SPIDR: variants seen among roughly 807,000 people sequenced by gnomAD.
SPIDR encodes the protein DNA repair-scaffolding protein.
SPIDR carries 93 observed loss-of-function variants against 104.6 expected under a neutral mutation model. The ratio of observed to expected loss-of-function variants is 0.89; its 90% CI spans 0.75 to 1.06. SPIDR has a LOEUF of 1.06. SPIDR is among the 50% of genes least tolerant of loss of function. The pLI is 0.00. For synonymous variants in SPIDR, 431 were observed against 416.9 expected, an observed-to-expected ratio of 1.03 and a Z score of -0.41; for missense variants, 1,154 against 1,111.2, an observed-to-expected ratio of 1.04 and a Z score of -0.55.
chr8:47,498,545 G>GGAAGATT (rs1452059081), intron 8 of SPIDR, among the ~76,000 whole-genome samples: 6 of 152,134 alleles, frequency 3.9e-5, no homozygotes, highest in African/African-American at 1.4e-4. Context: ...ATAGTCTCTA[G>GGAAGATT]GAAGATTGTC....
intron 3 of SPIDR, among the ~76,000 whole-genome samples, chr8:47,284,543 A>G (rs2038439815): frequency 6.6e-6 from 1 of 152,166 alleles, no homozygotes. Flanking sequence ...CTCTGTTCAA[A>G]CACTAGAGTA....
At chr8:47,466,544 G>A (rs1257455792) in intron 8 of SPIDR, among the ~76,000 whole-genome samples, 1 of 152,072 alleles carries the variant, frequency 6.6e-6, no homozygotes, top group Non-Finnish European at 1.5e-5. Flanking sequence ...GAAATTTGTG[G>A]CACTAAACAC....
At chr8:47,435,810 G>A (rs974069084) in intron 7 of SPIDR, among the ~76,000 whole-genome samples, 1 of 152,206 alleles carries the variant, frequency 6.6e-6, no homozygotes, top group Admixed American at 6.5e-5. Flanking sequence ...ATGAAGTAGG[G>A]GGGAAACACC....
At chr8:47,401,674 G>A (rs2061908689) in intron 6 of SPIDR, among the ~76,000 whole-genome samples, 1 of 152,036 alleles carries the variant, frequency 6.6e-6, no homozygotes, top group Non-Finnish European at 1.5e-5. Context: ...AAAAAGCAGG[G>A]GTTGCAATCC....
intron 1 of SPIDR, among the ~76,000 whole-genome samples, chr8:47,268,385 T>G (rs1219457222): frequency 6.6e-6 from 1 of 152,216 alleles, no homozygotes; most frequent in African/African-American, 2.4e-5. Flanking sequence ...GGGATTTTGA[T>G]TTTGTTGAAT....
At chr8:47,469,540 T>TA (rs1226959932) in intron 8 of SPIDR, among the ~76,000 whole-genome samples, 159 of 144,726 alleles carry the variant, frequency 1.1e-3, no homozygotes, top group Middle Eastern at 0.011. Flanking sequence ...CATGCAGCCA[T>TA]AAAAAAAAAA....
Position 47,596,372 on chromosome 8 carries a change from A to G in SPIDR, c.1293+366A>G, listed in dbSNP as rs373820100. Among the ~76,000 whole-genome samples the G allele has an allele frequency of 9.2e-5, 14 of 152,234 alleles. No homozygotes were observed. The East Asian group carries it at 9.6e-4, about 10-fold the overall frequency. On this transcript the variant is annotated intron_variant, in intron 9 of 19. Coordinates refer to ENST00000297423, the MANE Select transcript of SPIDR (RefSeq NM_001080394.4). ...TACACAAACCTAGATGGTCCAGCCTACTACACACCTAGGCTATATGGTATG... is the reference window on the plus strand; with the variant it reads ...TACACAAACCTAGATGGTCCAGCCTGCTACACACCTAGGCTATATGGTATG...
chr8:47,733,779 GC>G (rs1293829211), intron 19 of SPIDR, among the ~76,000 whole-genome samples: 1 of 152,032 alleles, frequency 6.6e-6, no homozygotes, highest in African/African-American at 2.4e-5. Context: ...TGCCGTCCAT[GC>G]CACCTCAGAG....
At chr8:47,503,793 T>C (rs1000941014) in intron 8 of SPIDR, among the ~76,000 whole-genome samples, 1 of 152,210 alleles carries the variant, frequency 6.6e-6, no homozygotes. Flanking sequence ...TTTCCATGTT[T>C]AGTGCTTCCT....
intron 8 of SPIDR, among the ~76,000 whole-genome samples, chr8:47,467,190 A>G (rs1441400332): frequency 2.6e-5 from 4 of 152,160 alleles, no homozygotes; most frequent in African/African-American, 4.8e-5. Context: ...TGAACAGACC[A>G]GTAATGAGCT....
chr8:47,713,135 A>G, intron 15 of SPIDR: 2 of 845,562 alleles, frequency 2.4e-6, no homozygotes, highest in South Asian at 2.9e-5. Context: ...GACTCCACAA[A>G]CAAACCAAAA....
intron 8 of SPIDR, among the ~76,000 whole-genome samples, chr8:47,477,858 G>A (rs1357920682): frequency 6.6e-6 from 1 of 152,198 alleles, no homozygotes; most frequent in African/African-American, 2.4e-5. Flanking sequence ...GCCTGCCAGG[G>A]CTCAGAGGGG....
rs193083954 is a variant in SPIDR at position 47,665,623 on chromosome 8, T to G, written c.1545-8178T>G. ...ATGTCATACATATCTGTGGAAATGT[T>G]AAGACTAGTTGTCTTAAAATAGGCG... is the stretch of plus-strand genomic sequence containing the variant. On this transcript the variant is annotated intron_variant, in intron 10 of 19. Transcript: ENST00000297423. Among the ~76,000 whole-genome samples the G allele has an allele frequency of 1.2e-4, 19 of 152,378 alleles. No individual in the cohort carries two copies. In the East Asian group the frequency reaches 3.7e-3, roughly 29 times the overall value.
chr8:47,298,242 G>A (rs906741491), intron 5 of SPIDR, among the ~76,000 whole-genome samples: 2 of 152,122 alleles, frequency 1.3e-5, no homozygotes, highest in South Asian at 2.1e-4. Flanking sequence ...GTCTTTTGGC[G>A]GTATAAATGT....
intron 10 of SPIDR, among the ~76,000 whole-genome samples, chr8:47,610,326 G>A (rs771310451): frequency 6.6e-6 from 1 of 152,068 alleles, no homozygotes; most frequent in Non-Finnish European, 1.5e-5. Context: ...CTGAGATGAC[G>A]GCACAGAGAA....
Position 47,607,283 on chromosome 8 carries a change from A to G in SPIDR, c.1544+8087A>G, listed in dbSNP as rs76446527. 5.8e-3 allele frequency among the ~76,000 whole-genome samples: 877 copies of G among 152,272 alleles called. 25 individuals are homozygous for G. The East Asian group carries it at 0.088, about 15-fold the overall frequency. ...GTTTGTTCTTACCTTTGCTCATTCA[A>G]TAAATTTAAATCATCCCTTAATTAA... On this transcript the variant is annotated intron_variant, in intron 10 of 19. Coordinates refer to ENST00000297423, the MANE Select transcript of SPIDR (RefSeq NM_001080394.4).
chr8:47,361,418 C>A (rs1260259336), intron 5 of SPIDR, among the ~76,000 whole-genome samples: 2 of 152,206 alleles, frequency 1.3e-5, no homozygotes, highest in African/African-American at 4.8e-5. Context: ...GGGCATCCCA[C>A]TTGTGAATTG....
intron 5 of SPIDR, among the ~76,000 whole-genome samples, chr8:47,308,763 T>G (rs1479330986): frequency 6.6e-6 from 1 of 152,210 alleles, no homozygotes; most frequent in African/African-American, 2.4e-5. Context: ...ACACATGCCC[T>G]ATATTTGGAA....
intron 10 of SPIDR, among the ~76,000 whole-genome samples, chr8:47,616,603 C>A (rs867121308): frequency 6.6e-6 from 1 of 152,162 alleles, no homozygotes; most frequent in African/African-American, 2.4e-5. Flanking sequence ...TGGGAATTTA[C>A]AAATATGTAC....
Sources: allele counts gnomAD v4.1 joint callset (sites outside exome capture counted in the v4.1 genomes callset), GRCh38; gene constraint gnomAD v4.1.1; transcripts MANE v1.5; gene names NCBI Gene and HGNC (gene_info 2026-07-23, HGNC 2026-07-21).